KIAA1217: variants seen among roughly 807,000 people sequenced by gnomAD.
KIAA1217 encodes KIAA1217, also known as sickle tail protein homolog.
A neutral mutation model predicts 163.9 loss-of-function variants in KIAA1217; 88 were observed. That is an observed-to-expected ratio of 0.54 (90% CI 0.45 to 0.64). The LOEUF (loss-of-function observed/expected upper bound fraction) is 0.64, where lower values mean the gene tolerates loss of function less well. KIAA1217 is among the 30% of genes least tolerant of loss of function. KIAA1217 has a pLI of 0.00. For synonymous variants in KIAA1217, 903 were observed against 923.1 expected (o/e 0.98, Z 0.39); for missense variants, 2,372 against 2,475.0 (o/e 0.96, Z 0.88).
chr10:24,205,018 A>G (rs540564570), upstream of KIAA1217, among the ~76,000 whole-genome samples: 1 of 152,208 alleles, frequency 6.6e-6, no homozygotes, highest in Non-Finnish European at 1.5e-5. Flanking sequence ...TTCAGCAAGC[A>G]TTAATTATTT....
At chr10:24,288,650 G>A (rs893000531) in intron 2 of KIAA1217, among the ~76,000 whole-genome samples, 2 of 152,206 alleles carry the variant, frequency 1.3e-5, no homozygotes, top group Non-Finnish European at 2.9e-5. Context: ...AGGATAAGAG[G>A]CAGTTTGGGT....
chr10:23,821,134 T>TGTGTGA (rs960000614), intron 1 of KIAA1217, among the ~76,000 whole-genome samples: 6 of 148,374 alleles, frequency 4.0e-5, no homozygotes, highest in African/African-American at 1.5e-4. Flanking sequence ...TGTGTGTGTG[T>TGTGTGA]GTGATACTAA....
intron 1 of KIAA1217, among the ~76,000 whole-genome samples, chr10:23,799,719 A>G (rs1025588242): frequency 6.6e-6 from 1 of 152,198 alleles, no homozygotes; most frequent in African/African-American, 2.4e-5. Flanking sequence ...ACACAAGCCC[A>G]CTGGGCTTAT....
intron 2 of KIAA1217, among the ~76,000 whole-genome samples, chr10:24,264,483 TA>T (rs1283881093): frequency 1.3e-5 from 2 of 150,666 alleles, no homozygotes; most frequent in South Asian, 2.1e-4. Context: ...CTTTAGAGTT[TA>T]AAAAAAAAGA....
At chr10:24,379,545 C>A (rs1246538838) in intron 2 of KIAA1217, among the ~76,000 whole-genome samples, 1 of 152,114 alleles carries the variant, frequency 6.6e-6, no homozygotes, top group East Asian at 1.9e-4. Context: ...TGGGAAGGTC[C>A]TGAGAGGCAT....
At chr10:23,964,938 A>G (rs1297245252) in intron 1 of KIAA1217, among the ~76,000 whole-genome samples, 6 of 152,210 alleles carry the variant, frequency 3.9e-5, no homozygotes, top group Non-Finnish European at 7.3e-5. Context: ...GACAGAAAGA[A>G]TACGAACTTT....
intron 2 of KIAA1217, among the ~76,000 whole-genome samples, chr10:24,245,361 A>G (rs1315204602): frequency 6.6e-6 from 1 of 152,170 alleles, no homozygotes; most frequent in African/African-American, 2.4e-5. Context: ...CTCAGATCAT[A>G]CAAGATGGAG....
chr10:23,771,885 T>A (rs138709645), intron 1 of KIAA1217, among the ~76,000 whole-genome samples: 8 of 152,354 alleles, frequency 5.3e-5, no homozygotes, highest in African/African-American at 1.9e-4. Context: ...GCTGCAATTA[T>A]CTTCTGTATT....
intron 1 of KIAA1217, among the ~76,000 whole-genome samples, chr10:23,748,833 A>G (rs1238542297): frequency 6.6e-6 from 1 of 152,042 alleles, no homozygotes; most frequent in Non-Finnish European, 1.5e-5. Flanking sequence ...TTCATGTAGT[A>G]AAGGCTTTGC....
At chr10:23,738,754 C>T (rs1838944976) in intron 1 of KIAA1217, among the ~76,000 whole-genome samples, 2 of 152,058 alleles carry the variant, frequency 1.3e-5, no homozygotes, top group Non-Finnish European at 2.9e-5. Context: ...ATTAATTCAG[C>T]ACATATTTAT....
At chr10:24,027,859 C>G (rs1848030346) in intron 2 of KIAA1217, among the ~76,000 whole-genome samples, 1 of 152,046 alleles carries the variant, frequency 6.6e-6, no homozygotes, top group Non-Finnish European at 1.5e-5. Flanking sequence ...TATAATGAGT[C>G]AGATTTGCAC....
chr10:23,708,656 G>A (rs964041154), intron 1 of KIAA1217, among the ~76,000 whole-genome samples: 2 of 152,230 alleles, frequency 1.3e-5, no homozygotes, highest in East Asian at 3.9e-4. Flanking sequence ...AACAAGGTGA[G>A]TGAACAGAAG....
chr10:24,078,631 G>C (rs2061442716), intron 2 of KIAA1217, among the ~76,000 whole-genome samples: 1 of 152,132 alleles, frequency 6.6e-6, no homozygotes, highest in Non-Finnish European at 1.5e-5. Context: ...TACAATGAAG[G>C]GGCGCTGATG....
At chr10:23,776,235 A>G (rs777117837) in intron 1 of KIAA1217, among the ~76,000 whole-genome samples, 1 of 152,122 alleles carries the variant, frequency 6.6e-6, no homozygotes, top group South Asian at 2.1e-4. Context: ...TGATCCCTCA[A>G]GATTCTTCCC....
intron 3 of KIAA1217, among the ~76,000 whole-genome samples, chr10:24,425,987 A>G (rs2059137986): frequency 6.6e-6 from 1 of 152,216 alleles, no homozygotes; most frequent in Non-Finnish European, 1.5e-5. Context: ...TTCCCATCAG[A>G]AAACGCAATA....
At chr10:24,008,073 C>T (rs1449028752) in intron 2 of KIAA1217, among the ~76,000 whole-genome samples, 5 of 152,016 alleles carry the variant, frequency 3.3e-5, no homozygotes, top group Non-Finnish European at 7.4e-5. Flanking sequence ...TTCATTTTCT[C>T]CCATTACAAA....
rs748362501 is a variant in KIAA1217, at chr10:24,501,534, C to T, written c.1990C>T (p.Arg664Trp). 4.3e-6 allele frequency: 7 copies of T among 1,612,910 alleles called. No individual in the cohort carries two copies. Among genetic ancestry groups the T allele is most frequent in the Non-Finnish European group, 5.9e-6 (7 of 1,179,622 alleles). ...ACTCAGGCTCCAGCTCCAGCAGATG[C>T]GGCAGCTCCAGGTATTCCTCATGCA... ...AELRLQLQQM[R>W]QLQLQNQELL... The change falls in exon 9 of 21, where the codon CGG (arginine) becomes TGG (tryptophan). Residue 664 changes from arginine to tryptophan, a missense_variant. This residue lies in a region of KIAA1217 where 1,431 missense variants were observed against 1,470.3 expected (regional missense o/e 0.97). Coordinates refer to ENST00000376454, the MANE Select transcript of KIAA1217 (RefSeq NM_019590.5).
intron 17 of KIAA1217, among the ~76,000 whole-genome samples, chr10:24,537,628 T>C (rs1045873665): frequency 6.6e-6 from 1 of 151,126 alleles, no homozygotes; most frequent in Non-Finnish European, 1.5e-5. Flanking sequence ...AAATGCATGG[T>C]AGAAAGTATC....
intron 5 of KIAA1217, among the ~76,000 whole-genome samples, chr10:24,470,843 G>T (rs1048050963): frequency 1.3e-5 from 2 of 152,060 alleles, no homozygotes; most frequent in Non-Finnish European, 1.5e-5. Flanking sequence ...TGTAAAACTT[G>T]CAGGGCAGGG....
Sources: allele counts gnomAD v4.1 joint callset (sites outside exome capture counted in the v4.1 genomes callset), GRCh38; gene constraint gnomAD v4.1.1; regional missense constraint gnomAD v4.1.1; transcripts MANE v1.5; gene names NCBI Gene and HGNC (gene_info 2026-07-23, HGNC 2026-07-21).